The following RGS6 variants were observed in gnomAD, a reference collection of about 807,000 sequenced individuals.
RGS6 encodes regulator of G protein signaling 6.
Under a neutral mutation model 78.5 loss-of-function variants are expected in RGS6, and 30 were observed. The observed-to-expected ratio is 0.38, with a 90% CI of 0.29 to 0.52. The LOEUF is 0.52. RGS6 is among the 20% of genes least tolerant of loss of function. The pLI is 0.85. For synonymous variants in RGS6, 206 were observed against 206.0 expected, an observed-to-expected ratio of 1.00 and a Z score of 0.00; for missense variants, 495 against 609.7, an observed-to-expected ratio of 0.81 and a Z score of 1.98.
chr14:72,171,330 G>A (rs780426201), intron 2 of RGS6, among the ~76,000 whole-genome samples: 15 of 152,136 alleles, frequency 9.9e-5, no homozygotes, highest in Non-Finnish European at 1.0e-4. Flanking sequence ...AGGAATGACA[G>A]CTTTTATTTG....
intron 2 of RGS6, among the ~76,000 whole-genome samples, chr14:72,339,966 G>C (rs2076684753): frequency 6.6e-6 from 1 of 152,106 alleles, no homozygotes; most frequent in African/African-American, 2.4e-5. Flanking sequence ...CGGCCCTCCT[G>C]GGGACTGTTC....
At position 72,052,979 on chromosome 14, in the gene RGS6, TTCTTTCTC is replaced by T. The variant is rs1300516555; in HGVS notation, c.84+88108_84+88115del. ...TTTCTTTCTTTCTTTCTTTCTTTCT[TTCTTTCTC>T]TCTCTCTCTCTCTCTCTCTTTCTTT... On this transcript the variant is annotated intron_variant, in intron 2 of 17. Coordinates refer to ENST00000553525, the MANE Select transcript of RGS6 (RefSeq NM_001204424.2). Among the ~76,000 whole-genome samples the T allele has an allele frequency of 5.5e-3, 295 of 53,672 alleles. 1 individual carries two copies. Among genetic ancestry groups the T allele is most frequent in the Admixed American group, 0.015 (66 of 4,514 alleles). 35.2% of individuals were successfully genotyped at this position (53,672 alleles called of 152,430 possible). A position where few individuals can be genotyped will look rare whatever the true frequency, so the allele number is the denominator to read the frequency against.
chr14:72,286,937 C>T (rs1233839120), intron 2 of RGS6, among the ~76,000 whole-genome samples: 1 of 152,124 alleles, frequency 6.6e-6, no homozygotes, highest in Admixed American at 6.5e-5. Context: ...GCATGTGCCA[C>T]CACACTTGCC....
chr14:72,007,686 G>A (rs559072222), intron 2 of RGS6, among the ~76,000 whole-genome samples: 1 of 152,086 alleles, frequency 6.6e-6, no homozygotes, highest in Non-Finnish European at 1.5e-5. Context: ...TTGGACGAAG[G>A]GCTTGCCTTA....
At position 71,982,061 on chromosome 14, in the gene RGS6, C is replaced by T. The variant is rs532479440; in HGVS notation, c.84+17186C>T. Among the ~76,000 whole-genome samples the T allele has an allele frequency of 8.7e-5, 13 of 149,920 alleles. No individual in the cohort carries two copies. In the South Asian group the frequency reaches 1.3e-3, roughly 15 times the overall value. ...GTGACCCGATTTTCCAGGTGCCCTC[C>T]GTCACCCCTTTCTTTGACTAGGAAA... On this transcript the variant is annotated intron_variant, in intron 2 of 17. Coordinates refer to ENST00000553525, the MANE Select transcript of RGS6 (RefSeq NM_001204424.2).
At chr14:72,588,806 G>A in the RGS6 span, among the ~76,000 whole-genome samples, 3 of 152,134 alleles carry the variant, frequency 2.0e-5, no homozygotes, top group African/African-American at 7.2e-5. Context: ...GAAAGAAATG[G>A]GAACTTCCAC....
At position 72,550,347 on chromosome 14, in the gene RGS6, A is replaced by G. The variant is rs1434678077; in HGVS notation, c.1422+10253A>G. ...GGGGAGAGGGAAGGCAGGGAGGCAG[A>G]GGGCACCTGTACTTAGTGACAGGGC... On this transcript the variant is annotated intron_variant, in intron 17 of 17. Transcript: ENST00000553525. 3.6e-5 allele frequency: 31 copies of G among 851,534 alleles called. 1 individual carries two copies. The highest frequency in any genetic ancestry group is 3.6e-4 in the South Asian group (25 of 70,322). 52.7% of individuals were successfully genotyped at this position (851,534 alleles called of 1,614,324 possible). A position where few individuals can be genotyped will look rare whatever the true frequency, so the allele number is the denominator to read the frequency against.
chr14:72,249,978 G>A (rs847245), intron 2 of RGS6, among the ~76,000 whole-genome samples: 149,313 of 151,186 alleles, frequency 0.99, 73,741 homozygotes, highest in East Asian at 1. Flanking sequence ...TTCTCAGTAA[G>A]CTGTCGCAAG....
At chr14:72,530,192 T>C (rs556437891) in intron 15 of RGS6, among the ~76,000 whole-genome samples, 2 of 152,118 alleles carry the variant, frequency 1.3e-5, no homozygotes, top group South Asian at 2.1e-4. Flanking sequence ...AGGGGTATTG[T>C]GAGATATTGA....
At chr14:72,468,310 C>T (rs1203132698) in intron 7 of RGS6, among the ~76,000 whole-genome samples, 2 of 149,788 alleles carry the variant, frequency 1.3e-5, no homozygotes, top group Non-Finnish European at 3.0e-5. Context: ...ACCTGGGAGG[C>T]GGAGGTTGTG....
chr14:72,361,658 G>A (rs2081479715), intron 3 of RGS6, among the ~76,000 whole-genome samples: 1 of 152,182 alleles, frequency 6.6e-6, no homozygotes, highest in Non-Finnish European at 1.5e-5. Context: ...GATACTGGAA[G>A]ACTGAGCTGT....
chr14:71,969,080 T>C (rs1387715208), intron 2 of RGS6, among the ~76,000 whole-genome samples: 1 of 152,170 alleles, frequency 6.6e-6, no homozygotes, highest in African/African-American at 2.4e-5. Context: ...CAGTGTTTGG[T>C]TTTTTGTTCT....
At chr14:72,315,553 A>C (rs2069905582) in intron 2 of RGS6, among the ~76,000 whole-genome samples, 1 of 152,186 alleles carries the variant, frequency 6.6e-6, no homozygotes, top group African/African-American at 2.4e-5. Context: ...TTTCTGGGGA[A>C]TCTTTTATTT....
chr14:71,875,278 C>G, the RGS6 span, among the ~76,000 whole-genome samples: 2 of 152,056 alleles, frequency 1.3e-5, no homozygotes, highest in South Asian at 2.1e-4. Context: ...TGGTCCTGGA[C>G]TTTTTTTGGT....
At chr14:72,354,677 A>G (rs967586881) in intron 3 of RGS6, among the ~76,000 whole-genome samples, 1 of 151,982 alleles carries the variant, frequency 6.6e-6, no homozygotes, top group Non-Finnish European at 1.5e-5. Flanking sequence ...TGTAAAGGGT[A>G]ATAATTCCAT....
At chr14:72,364,019 A>AAAAAAAC in intron 3 of RGS6, among the ~76,000 whole-genome samples, 1 of 150,776 alleles carries the variant, frequency 6.6e-6, no homozygotes, top group African/African-American at 2.4e-5. Flanking sequence ...AAAAAAAAAA[A>AAAAAAAC]AAAAAAACTC....
In RGS6 at chr14:72,436,452, T is replaced by C. The variant is rs117136027; in HGVS notation, c.185-18076T>C. Reference sequence around the variant, plus strand: ...GTTCCAAAAACAGACAGTATGTTTATCATTTATTGATCAGTTCAGCCTCTG... The same window carrying C: ...GTTCCAAAAACAGACAGTATGTTTACCATTTATTGATCAGTTCAGCCTCTG... On this transcript the variant is annotated intron_variant, in intron 3 of 17. Coordinates refer to ENST00000553525, the MANE Select transcript of RGS6 (RefSeq NM_001204424.2). 1.6e-4 allele frequency among the ~76,000 whole-genome samples: 24 copies of C among 152,314 alleles called. No individual in the cohort carries two copies. The East Asian group carries it at 4.2e-3, about 27-fold the overall frequency.
chr14:72,320,549 G>A (rs847348), intron 2 of RGS6, among the ~76,000 whole-genome samples: 45,592 of 151,750 alleles, frequency 0.3, 7,040 homozygotes, highest in South Asian at 0.39. Context: ...CTACACTCCA[G>A]CCTGGGCAAT....
intron 2 of RGS6, among the ~76,000 whole-genome samples, chr14:72,133,293 T>C (rs1414804678): frequency 6.6e-6 from 1 of 152,098 alleles, no homozygotes; most frequent in Admixed American, 6.5e-5. Context: ...AATTTTTTTT[T>C]CCTCTCTAAT....
Sources: gnomAD v4.1 joint callset for allele counts (sites outside exome capture counted in the v4.1 genomes callset) on GRCh38, gnomAD v4.1.1 for gene constraint, MANE v1.5 for transcripts, NCBI Gene and HGNC (gene_info 2026-07-23, HGNC 2026-07-21) for gene names.